EYS: variants seen among roughly 807,000 people sequenced by gnomAD.
EYS encodes the protein protein eyes shut homolog.
A neutral mutation model predicts 282.1 loss-of-function variants in EYS; 250 were observed. That is an observed-to-expected ratio of 0.89 (90% CI 0.80 to 0.98). The LOEUF is 0.98. Ranked by LOEUF, EYS falls within the 50% of genes least tolerant of loss-of-function variation. EYS has a pLI of 0.00. For synonymous variants in EYS, 1,355 were observed against 1,282.9 expected (o/e 1.06, Z -1.20); for missense variants, 4,016 against 3,709.0 (o/e 1.08, Z -2.15).
At chr6:63,961,249 A>G (rs1411835904) in intron 35 of EYS, among the ~76,000 whole-genome samples, 1 of 152,194 alleles carries the variant, frequency 6.6e-6, no homozygotes, top group African/African-American at 2.4e-5. Flanking sequence ...TTGCACGTAT[A>G]CATCTAGATG....
chr6:65,167,627 C>T (rs745421134), intron 12 of EYS, among the ~76,000 whole-genome samples: 13 of 151,156 alleles, frequency 8.6e-5, no homozygotes, highest in Middle Eastern at 3.2e-3. Flanking sequence ...TAGATAATTT[C>T]AATCTTGCTC....
intron 31 of EYS, among the ~76,000 whole-genome samples, chr6:64,167,322 C>A (rs1267121163): frequency 6.6e-6 from 1 of 152,106 alleles, no homozygotes; most frequent in East Asian, 1.9e-4. Context: ...ATCTTAATGT[C>A]AGACAATAAG....
rs536182352 is a variant in EYS, at chr6:65,677,046, A to G, written c.-448+30089T>C. ...TAAAAAAACTAGAAATTGAAAAAAAAATCTCAACACGATGAAGGTAAAATA... is the reference window on the plus strand; with the variant it reads ...TAAAAAAACTAGAAATTGAAAAAAAGATCTCAACACGATGAAGGTAAAATA... On this transcript the variant is annotated intron_variant, in intron 1 of 42. Transcript: ENST00000503581. 8.5e-4 allele frequency among the ~76,000 whole-genome samples: 129 copies of G among 151,348 alleles called. 1 individual carries two copies. The highest frequency in any genetic ancestry group is 3.0e-3 in the African/African-American group (123 of 41,438).
intron 1 of EYS, among the ~76,000 whole-genome samples, chr6:65,644,080 G>A (rs1767374534): frequency 6.6e-6 from 1 of 152,046 alleles, no homozygotes. Context: ...TGAAATCTCT[G>A]AATTGCCAGA....
chr6:65,110,495 T>C (rs1775183038), intron 12 of EYS, among the ~76,000 whole-genome samples: 1 of 152,098 alleles, frequency 6.6e-6, no homozygotes, highest in Admixed American at 6.6e-5. Context: ...GCAAGGACAT[T>C]TGAATTCGTT....
At chr6:65,181,180 T>C (rs1179765142) in intron 12 of EYS, among the ~76,000 whole-genome samples, 1 of 152,044 alleles carries the variant, frequency 6.6e-6, no homozygotes, top group Non-Finnish European at 1.5e-5. Flanking sequence ...CCAAAAGCAA[T>C]GGCAACAAAA....
intron 12 of EYS, among the ~76,000 whole-genome samples, chr6:65,211,740 G>GA (rs912470169): frequency 2.5e-4 from 38 of 151,244 alleles, no homozygotes; most frequent in South Asian, 1.3e-3. Context: ...AGGAGGGGCA[G>GA]AAAAAAAAGC....
At chr6:65,120,151 C>CAAAA (rs1170415166) in intron 12 of EYS, among the ~76,000 whole-genome samples, 2,506 of 62,120 alleles carry the variant, frequency 0.04, 272 homozygotes, top group African/African-American at 0.14. Flanking sequence ...GACTCCGTCT[C>CAAAA]AAAAAAAAAA....
chr6:65,466,929 A>G (rs1413977145), intron 5 of EYS, among the ~76,000 whole-genome samples: 1 of 152,238 alleles, frequency 6.6e-6, no homozygotes, highest in Non-Finnish European at 1.5e-5. Context: ...CTTTATCACC[A>G]CAAAGCTCTA....
chr6:65,621,408 A>C (rs916881437), intron 2 of EYS, among the ~76,000 whole-genome samples: 1 of 151,156 alleles, frequency 6.6e-6, no homozygotes. Flanking sequence ...TTGGCTTGGT[A>C]GATCTTCCTC....
chr6:64,934,880 T>C (rs2150089217), intron 15 of EYS, among the ~76,000 whole-genome samples: 1 of 151,978 alleles, frequency 6.6e-6, no homozygotes, highest in East Asian at 1.9e-4. Flanking sequence ...AGTATAAATA[T>C]GTTTTGTTCA....
chr6:64,967,510 G>C (rs939482118), intron 14 of EYS, among the ~76,000 whole-genome samples: 1 of 151,990 alleles, frequency 6.6e-6, no homozygotes, highest in Non-Finnish European at 1.5e-5. Context: ...TAGAGATGGG[G>C]TTTCGCCATG....
intron 41 of EYS, among the ~76,000 whole-genome samples, chr6:63,758,594 C>A (rs1395899373): frequency 1.3e-5 from 2 of 152,040 alleles, no homozygotes; most frequent in Non-Finnish European, 2.9e-5. Flanking sequence ...TTCTACCTCT[C>A]AGACTATAGG....
intron 1 of EYS, among the ~76,000 whole-genome samples, chr6:65,676,005 G>A (rs963978065): frequency 2.6e-5 from 4 of 151,746 alleles, no homozygotes; most frequent in Non-Finnish European, 4.4e-5. Context: ...AGACAAAATC[G>A]AGGGAAATTA....
intron 41 of EYS, among the ~76,000 whole-genome samples, chr6:63,745,537 T>G (rs2149645098): frequency 6.6e-6 from 1 of 152,284 alleles, no homozygotes; most frequent in South Asian, 2.1e-4. Context: ...GTCAACACAC[T>G]TTCACAGTCA....
At chr6:64,758,638 G>T (rs189267267) in intron 22 of EYS, among the ~76,000 whole-genome samples, 7 of 152,224 alleles carry the variant, frequency 4.6e-5, no homozygotes, top group Non-Finnish European at 1.0e-4. Context: ...TCCCTCCACT[G>T]CAGTTTGGAG....
intron 22 of EYS, among the ~76,000 whole-genome samples, chr6:64,786,829 C>T (rs1227284442): frequency 6.6e-6 from 1 of 152,202 alleles, no homozygotes; most frequent in Non-Finnish European, 1.5e-5. Context: ...TTTTAACCTT[C>T]TTTGGAGCTA....
intron 22 of EYS, among the ~76,000 whole-genome samples, chr6:64,648,203 G>A (rs1026522705): frequency 7.2e-5 from 11 of 152,106 alleles, no homozygotes; most frequent in Non-Finnish European, 1.5e-4. Flanking sequence ...CTAAAAACTA[G>A]GGGCAGAAAC....
intron 40 of EYS, among the ~76,000 whole-genome samples, chr6:63,774,848 C>T (rs866537756): frequency 1.8e-4 from 27 of 146,396 alleles, no homozygotes; most frequent in African/African-American, 6.6e-4. Context: ...TCTCACTAAA[C>T]ATTTTTAGTT....
Sources: gnomAD v4.1 joint callset for allele counts (sites outside exome capture counted in the v4.1 genomes callset) on GRCh38, gnomAD v4.1.1 for gene constraint, MANE v1.5 for transcripts, NCBI Gene and HGNC (gene_info 2026-07-23, HGNC 2026-07-21) for gene names.